The following PADI2 variants were observed in gnomAD, a reference collection of about 807,000 sequenced individuals.
PADI2 encodes the protein peptidyl arginine deiminase 2, also known as protein-arginine deiminase type-2.
Under a neutral mutation model 81.1 loss-of-function variants are expected in PADI2, and 70 were observed. The ratio of observed to expected loss-of-function variants is 0.86; its 90% CI spans 0.71 to 1.05. The LOEUF is 1.05. Ranked by LOEUF, PADI2 falls within the 50% of genes least tolerant of loss-of-function variation. The pLI is 0.00. For missense variants in PADI2, 853 were observed against 889.9 expected, an observed-to-expected ratio of 0.96 and a Z score of 0.53; for synonymous variants, 338 against 358.0, an observed-to-expected ratio of 0.94 and a Z score of 0.63.
Position 17,072,735 on chromosome 1 carries a change from C to T in PADI2, c.1550-1244G>A, listed in dbSNP as rs114514245. On this transcript the variant is annotated intron_variant, in intron 13 of 15. Transcript: ENST00000375486. ...TCAAAGTCCAGTTTTCTTCCTGTCC[C>T]CAAACTGTATTCTATCTATTTTCTC... Among the ~76,000 whole-genome samples the T allele has an allele frequency of 4.8e-3, 733 of 152,130 alleles. 5 individuals carry two copies. The highest frequency in any genetic ancestry group is 0.014 in the Middle Eastern group (4 of 294).
chr1:17,085,001 T>C, intron 7 of PADI2, among the ~76,000 whole-genome samples: 1 of 152,224 alleles, frequency 6.6e-6, no homozygotes, highest in East Asian at 1.9e-4. Context: ...CTTGACCACA[T>C]GGTAGGCTTT....
chr1:17,087,492 G>GTTTATTTATTTATTTATTTA (rs138753770), intron 6 of PADI2, among the ~76,000 whole-genome samples: 5 of 148,198 alleles, frequency 3.4e-5, no homozygotes, highest in Admixed American at 6.7e-5. Flanking sequence ...TTGTTTGTTT[G>GTTTATTTATTTATTTATTTA]TTTATTTATT....
At chr1:17,098,621 T>C (rs1436044685) in intron 3 of PADI2, among the ~76,000 whole-genome samples, 1 of 152,228 alleles carries the variant, frequency 6.6e-6, no homozygotes, top group East Asian at 1.9e-4. Flanking sequence ...TTTCGTTACC[T>C]TCCTGTTACG....
intron 9 of PADI2, chr1:17,083,420 A>G: frequency 3.2e-6 from 1 of 315,082 alleles, no homozygotes; most frequent in Non-Finnish European, 5.9e-6. Context: ...AACTTGAAGC[A>G]CATCCTGTAT....
chr1:17,070,445 C>T (rs2078257613), intron 14 of PADI2, among the ~76,000 whole-genome samples: 1 of 152,210 alleles, frequency 6.6e-6, no homozygotes, highest in South Asian at 2.1e-4. Context: ...ACAGCAGCTG[C>T]CATTTCCTGA....
At chr1:17,099,139 C>T (rs1389653595) in intron 3 of PADI2, among the ~76,000 whole-genome samples, 6 of 152,184 alleles carry the variant, frequency 3.9e-5, no homozygotes, top group Non-Finnish European at 7.3e-5. Flanking sequence ...CAGCTCTGAC[C>T]GAGAGGCACA....
At chr1:17,080,840 T>C (rs933897953) in intron 10 of PADI2, among the ~76,000 whole-genome samples, 3 of 152,172 alleles carry the variant, frequency 2.0e-5, no homozygotes, top group African/African-American at 7.2e-5. Flanking sequence ...CAAAATCCAG[T>C]GGAGTCGGAG....
At chr1:17,102,304 G>A (rs1349358029) in intron 3 of PADI2, among the ~76,000 whole-genome samples, 3 of 152,200 alleles carry the variant, frequency 2.0e-5, no homozygotes, top group African/African-American at 4.8e-5. Flanking sequence ...GATGATCACA[G>A]CCAAGGGTCC....
chr1:17,092,648 C>A (rs1930744428), intron 5 of PADI2, 115 bp from the exon 6 acceptor site: 7 of 971,796 alleles, frequency 7.2e-6, no homozygotes, highest in Non-Finnish European at 7.4e-6. Context: ...ATTATGGAAA[C>A]TATAGAAAAG....
At chr1:17,089,781 C>T (rs1399295696) in intron 6 of PADI2, among the ~76,000 whole-genome samples, 1 of 152,222 alleles carries the variant, frequency 6.6e-6, no homozygotes, top group Non-Finnish European at 1.5e-5. Context: ...CAGGAACCAA[C>T]AATGCCGCTC....
At chr1:17,082,856 T>C (rs1267143177) in intron 9 of PADI2, 3 of 478,806 alleles carry the variant, frequency 6.3e-6, no homozygotes, top group Non-Finnish European at 1.1e-5. Flanking sequence ...CAGGCAGGTT[T>C]CTTACCGATA....
At chr1:17,098,803 C>T (rs1557768810) in intron 3 of PADI2, among the ~76,000 whole-genome samples, 1 of 152,362 alleles carries the variant, frequency 6.6e-6, no homozygotes. Flanking sequence ...TGGGACTTCG[C>T]CCCTGCAAGG....
chr1:17,106,363 T>A (rs1027871422), intron 1 of PADI2, among the ~76,000 whole-genome samples: 3 of 152,126 alleles, frequency 2.0e-5, no homozygotes, highest in Non-Finnish European at 4.4e-5. Context: ...GCCTTCACCC[T>A]CAGTGTCATG....
intron 13 of PADI2, among the ~76,000 whole-genome samples, chr1:17,074,187 T>A (rs920987419): frequency 1.3e-5 from 2 of 148,418 alleles, no homozygotes; most frequent in African/African-American, 5.0e-5. Flanking sequence ...AGGACAGGAG[T>A]TCAAGACCAG....
chr1:17,086,247 G>A (rs1445981162), intron 7 of PADI2, among the ~76,000 whole-genome samples: 2 of 152,180 alleles, frequency 1.3e-5, no homozygotes, highest in Admixed American at 1.3e-4. Context: ...AGCAGGGCAG[G>A]CCAGGACACA....
At position 17,104,954 on chromosome 1, in the gene PADI2, T is replaced by C; in HGVS notation, c.200A>G (p.Gln67Arg). The C allele has an allele frequency of 6.2e-7, 1 of 1,609,438 alleles. No individual in the cohort carries two copies. The highest frequency in any genetic ancestry group is 1.1e-5 in the South Asian group (1 of 90,936). ...GGTGCTGGGCGAGAGAAGCCAGCGCTGCTTGCCATTGGTGGCCACCTCCTC... is the reference window on the plus strand; with the variant it reads ...GGTGCTGGGCGAGAGAAGCCAGCGCCGCTTGCCATTGGTGGCCACCTCCTC... Reference protein sequence around the residue: ...EAEEVATNGKQRWLLSPSTTL... With the variant: ...EAEEVATNGKRRWLLSPSTTL... The change falls in exon 2 of 16, where the codon CAG becomes CGG. Residue 67 changes from glutamine to arginine, a missense_variant. Coordinates refer to ENST00000375486, the MANE Select transcript of PADI2 (RefSeq NM_007365.3).
intron 1 of PADI2, among the ~76,000 whole-genome samples, chr1:17,112,798 C>A (rs1490986912): frequency 6.6e-6 from 1 of 152,206 alleles, no homozygotes; most frequent in Non-Finnish European, 1.5e-5. Flanking sequence ...ATAGCTACTC[C>A]TCTCCTCAGA....
At chr1:17,098,931 G>C (rs1302275943) in intron 3 of PADI2, among the ~76,000 whole-genome samples, 3 of 152,246 alleles carry the variant, frequency 2.0e-5, no homozygotes, top group Non-Finnish European at 4.4e-5. Flanking sequence ...GCCTTCCCGA[G>C]GGGGAGGAGG....
At chr1:17,117,990 C>G (rs1432377069) in intron 1 of PADI2, among the ~76,000 whole-genome samples, 1 of 152,174 alleles carries the variant, frequency 6.6e-6, no homozygotes, top group Non-Finnish European at 1.5e-5. Context: ...CAGGGGAAGG[C>G]AGAGGTTGAG....
Sources: allele counts gnomAD v4.1 joint callset (sites outside exome capture counted in the v4.1 genomes callset), GRCh38; gene constraint gnomAD v4.1.1; transcripts MANE v1.5; gene names NCBI Gene and HGNC (gene_info 2026-07-23, HGNC 2026-07-21).